The following PTPRZ1 variants were observed in gnomAD, a reference collection of about 807,000 sequenced individuals.
PTPRZ1 encodes the protein receptor-type tyrosine-protein phosphatase zeta.
Under a neutral mutation model 214.1 loss-of-function variants are expected in PTPRZ1, and 82 were observed. The ratio of observed to expected loss-of-function variants is 0.38; its 90% CI spans 0.32 to 0.46. PTPRZ1 has a LOEUF of 0.46. PTPRZ1 is among the 20% of genes least tolerant of loss of function. The probability of loss-of-function intolerance (pLI) is 1.00; values close to 1 mark genes in which losing one functional copy is unlikely to be tolerated. For missense variants in PTPRZ1, 2,603 were observed against 2,748.7 expected, an observed-to-expected ratio of 0.95 and a Z score of 1.19; for synonymous variants, 945 against 987.9, an observed-to-expected ratio of 0.96 and a Z score of 0.81.
intron 3 of PTPRZ1, among the ~76,000 whole-genome samples, chr7:121,970,097 C>G (rs1354334156): frequency 2.0e-5 from 3 of 151,874 alleles, no homozygotes; most frequent in African/African-American, 7.3e-5. Context: ...TGATGGTTTC[C>G]AGCTTCATCC....
chr7:122,015,114 AAAG>A lies in PTPRZ1; in HGVS notation c.4843+1230_4843+1232del, dbSNP rs372458522. Among the ~76,000 whole-genome samples, 529 of 152,348 alleles carry A rather than the reference AAAG, an allele frequency of 3.5e-3. 4 individuals are homozygous for A. Among genetic ancestry groups the A allele is most frequent in the African/African-American group, 0.012 (484 of 41,582 alleles). ...AGATGTCTGCTTTAAATGCCAATGG[AAAG>A]AAGAGGGAAGTTCAATCCTATTAAG... is the stretch of plus-strand genomic sequence containing the variant. On this transcript the variant is annotated intron_variant, in intron 12 of 29. Coordinates refer to ENST00000393386, the MANE Select transcript of PTPRZ1 (RefSeq NM_002851.3).
chr7:121,951,269 A>T (rs900612409), intron 2 of PTPRZ1, among the ~76,000 whole-genome samples: 19 of 152,362 alleles, frequency 1.2e-4, no homozygotes, highest in African/African-American at 4.6e-4. Flanking sequence ...CTTGGAGCTG[A>T]GAGAGATACA....
chr7:121,936,097 G>T (rs1796079120), intron 2 of PTPRZ1, among the ~76,000 whole-genome samples: 1 of 152,058 alleles, frequency 6.6e-6, no homozygotes. Flanking sequence ...CATCAGTAAG[G>T]GCCTAGTGGA....
In PTPRZ1 at chr7:122,036,461, T is replaced by A. The variant is rs1299300434; in HGVS notation, c.5285-139T>A. On this transcript the variant is annotated intron_variant, in intron 17 of 29. Transcript: ENST00000393386. ...CTTTGTTTTCTTTGCTGTCTCTGTA[T>A]CCCCAAAAAGCCTATGAAAGTAAAT... The A allele has an allele frequency of 6.4e-6, 4 of 622,572 alleles. No individual in the cohort carries two copies. In the Admixed American group the frequency reaches 1.2e-4, roughly 19 times the overall value. 38.6% of individuals were successfully genotyped at this position (622,572 alleles called of 1,614,324 possible).
At chr7:122,015,208 G>A (rs1381089697) in intron 12 of PTPRZ1, among the ~76,000 whole-genome samples, 1 of 152,062 alleles carries the variant, frequency 6.6e-6, no homozygotes, top group Non-Finnish European at 1.5e-5. Context: ...TATTAAATGT[G>A]AACGTATCTT....
chr7:122,050,003 C>T (rs923837309), intron 23 of PTPRZ1, among the ~76,000 whole-genome samples: 1 of 152,082 alleles, frequency 6.6e-6, no homozygotes, highest in Non-Finnish European at 1.5e-5. Flanking sequence ...GCAGATTAAT[C>T]TATAAATAAC....
rs1003596143 is a variant in PTPRZ1 at position 122,004,210 on chromosome 7, C to A, written c.1241-404C>A. The stretch of plus-strand genomic sequence containing the variant: ...ATTCTCCAGAAAATCCCTGGCATTT[C>A]CCCAACCATGCTTTTATCAGCCCTG... On this transcript the variant is annotated intron_variant, in intron 10 of 29. Transcript: ENST00000393386. Among the ~76,000 whole-genome samples the A allele has an allele frequency of 7.2e-5, 11 of 152,158 alleles. No individual in the cohort carries two copies. In the South Asian group the frequency reaches 8.3e-4, roughly 11 times the overall value.
At chr7:122,007,016 G>A (rs1798510159) in intron 11 of PTPRZ1, among the ~76,000 whole-genome samples, 1 of 152,054 alleles carries the variant, frequency 6.6e-6, no homozygotes, top group African/African-American at 2.4e-5. Flanking sequence ...GTTAGGTAAG[G>A]AACCTCCCAA....
intron 1 of PTPRZ1, among the ~76,000 whole-genome samples, chr7:121,907,561 G>A (rs975893260): frequency 2.0e-5 from 3 of 151,714 alleles, no homozygotes; most frequent in Non-Finnish European, 2.9e-5. Context: ...TTTAATCATA[G>A]GATTAAGAGA....
chr7:121,880,179 AT>A (rs1397571711), intron 1 of PTPRZ1, among the ~76,000 whole-genome samples: 1 of 152,200 alleles, frequency 6.6e-6, no homozygotes, highest in Non-Finnish European at 1.5e-5. Flanking sequence ...GCCCACAGAT[AT>A]TAAAGTAAAC....
chr7:121,999,106 C>G (rs1056974992), intron 10 of PTPRZ1, among the ~76,000 whole-genome samples: 5 of 152,044 alleles, frequency 3.3e-5, no homozygotes, highest in African/African-American at 1.2e-4. Flanking sequence ...ATGCATCATT[C>G]CAAACTACAG....
chr7:121,959,255 G>A (rs916968996), intron 2 of PTPRZ1, among the ~76,000 whole-genome samples: 7 of 152,196 alleles, frequency 4.6e-5, no homozygotes, highest in Non-Finnish European at 8.8e-5. Context: ...GACTTGAAAA[G>A]ATTTTTTGCT....
chr7:121,962,875 T>C (rs1020619463), intron 2 of PTPRZ1, among the ~76,000 whole-genome samples: 2 of 152,160 alleles, frequency 1.3e-5, no homozygotes, highest in Admixed American at 1.3e-4. Flanking sequence ...CTGTGCACAA[T>C]ATTAACACTT....
At chr7:121,899,440 A>C (rs964834019) in intron 1 of PTPRZ1, among the ~76,000 whole-genome samples, 1 of 152,186 alleles carries the variant, frequency 6.6e-6, no homozygotes, top group Admixed American at 6.6e-5. Context: ...GCTAACTATA[A>C]AAGTTCATAT....
At chr7:121,878,251 A>G (rs923637788) in intron 1 of PTPRZ1, among the ~76,000 whole-genome samples, 7 of 152,180 alleles carry the variant, frequency 4.6e-5, no homozygotes, top group Admixed American at 1.3e-4. Flanking sequence ...TAATCACACC[A>G]TCCACATTTC....
Position 121,888,718 on chromosome 7 carries a change from A to G in PTPRZ1, c.58+15161A>G, listed in dbSNP as rs75368426. Among the ~76,000 whole-genome samples, 297 of 152,286 alleles carry G rather than the reference A, an allele frequency of 2.0e-3. 14 individuals carry two copies. In the East Asian group the frequency reaches 0.05, roughly 26 times the overall value. ...GCCAGGACAAAATGTAATTGTTATA[A>G]TTTAAGAAATACATAATTAAGAGAA... On this transcript the variant is annotated intron_variant, in intron 1 of 29. Coordinates refer to ENST00000393386, the MANE Select transcript of PTPRZ1 (RefSeq NM_002851.3).
At chr7:121,907,773 A>T (rs1795160614) in intron 1 of PTPRZ1, among the ~76,000 whole-genome samples, 1 of 152,068 alleles carries the variant, frequency 6.6e-6, no homozygotes, top group African/African-American at 2.4e-5. Flanking sequence ...CACAAATAAA[A>T]TTAATAAAAG....
intron 1 of PTPRZ1, among the ~76,000 whole-genome samples, chr7:121,921,556 T>C (rs1795597277): frequency 6.6e-6 from 1 of 152,190 alleles, no homozygotes; most frequent in Admixed American, 6.5e-5. Flanking sequence ...TTAAACTTAT[T>C]CTTAAATAAA....
rs1028944223 is a variant in PTPRZ1 at position 121,893,600 on chromosome 7, A to G, written c.58+20043A>G. On this transcript the variant is annotated intron_variant, in intron 1 of 29. Transcript: ENST00000393386. The stretch of plus-strand genomic sequence containing the variant: ...CACAAAGAAGACTGGAAAATTTAGC[A>G]TTTATTCTGGATGGCCAGGTGCTCA... Among the ~76,000 whole-genome samples the G allele has an allele frequency of 2.0e-5, 3 of 152,198 alleles. No homozygotes were observed. The East Asian group carries it at 5.8e-4, about 29-fold the overall frequency.
Sources: gnomAD v4.1 joint callset for allele counts (sites outside exome capture counted in the v4.1 genomes callset) on GRCh38, gnomAD v4.1.1 for gene constraint, MANE v1.5 for transcripts, NCBI Gene and HGNC (gene_info 2026-07-23, HGNC 2026-07-21) for gene names.